Variants in UTRN observed in about 807,000 individuals in gnomAD.
UTRN encodes utrophin, also known as dystrophin-related protein 1.
UTRN carries 283 observed loss-of-function variants against 463.9 expected under a neutral mutation model. The ratio of observed to expected loss-of-function variants is 0.61; its 90% CI spans 0.55 to 0.67. The LOEUF is 0.67. Ranked by LOEUF, UTRN falls within the 30% of genes least tolerant of loss-of-function variation. The probability of loss-of-function intolerance (pLI) is 0.00; values close to 1 mark genes in which losing one functional copy is unlikely to be tolerated. For synonymous variants in UTRN, 1,442 were observed against 1,431.5 expected, an observed-to-expected ratio of 1.01 and a Z score of -0.17; for missense variants, 3,922 against 4,084.3, an observed-to-expected ratio of 0.96 and a Z score of 1.08.
intron 2 of UTRN, among the ~76,000 whole-genome samples, chr6:144,393,081 A>G (rs1368909065): frequency 6.6e-6 from 1 of 152,034 alleles, no homozygotes; most frequent in East Asian, 1.9e-4. Context: ...TTATCTTAGA[A>G]AGAGAATTCT....
intron 51 of UTRN, among the ~76,000 whole-genome samples, chr6:144,609,973 A>G (rs914666335): frequency 2.0e-5 from 3 of 152,140 alleles, no homozygotes; most frequent in Non-Finnish European, 2.9e-5. Context: ...CTATATCAAG[A>G]AAGAAGAAAT....
chr6:144,625,886 A>G, intron 51 of UTRN, among the ~76,000 whole-genome samples: 1 of 152,228 alleles, frequency 6.6e-6, no homozygotes, highest in Non-Finnish European at 1.5e-5. Context: ...TTGAAAACAT[A>G]AACAAAACTG....
intron 54 of UTRN, among the ~76,000 whole-genome samples, chr6:144,734,340 A>T (rs920723796): frequency 6.6e-6 from 1 of 152,216 alleles, no homozygotes; most frequent in African/African-American, 2.4e-5. Flanking sequence ...GATGGGAGAA[A>T]CTGATATTAT....
chr6:144,669,609 T>C (rs1780783481), intron 51 of UTRN, among the ~76,000 whole-genome samples: 1 of 152,138 alleles, frequency 6.6e-6, no homozygotes, highest in Non-Finnish European at 1.5e-5. Context: ...GCAGTAGTTT[T>C]GGGGGGAACA....
intron 58 of UTRN, among the ~76,000 whole-genome samples, chr6:144,766,938 A>G (rs1180567334): frequency 6.6e-6 from 1 of 152,116 alleles, no homozygotes; most frequent in Non-Finnish European, 1.5e-5. Flanking sequence ...AAGGGGGACA[A>G]TTTCTCAGTT....
chr6:144,442,000 G>A (rs1404677818), intron 13 of UTRN, among the ~76,000 whole-genome samples: 1 of 152,142 alleles, frequency 6.6e-6, no homozygotes, highest in Non-Finnish European at 1.5e-5. Flanking sequence ...CCTGAGCCCA[G>A]CCCACAAAAC....
chr6:144,739,742 C>T (rs1466045313), intron 54 of UTRN, among the ~76,000 whole-genome samples: 1 of 152,150 alleles, frequency 6.6e-6, no homozygotes, highest in Non-Finnish European at 1.5e-5. Flanking sequence ...TTTCCTATGA[C>T]TGTATAGCTC....
At chr6:144,825,681 A>G (rs1428747471) in intron 66 of UTRN, among the ~76,000 whole-genome samples, 2 of 152,172 alleles carry the variant, frequency 1.3e-5, no homozygotes, top group East Asian at 1.9e-4. Context: ...CTTTTCTTCT[A>G]TTTGAAGTTC....
chr6:144,644,959 T>C (rs1778143343), intron 51 of UTRN, among the ~76,000 whole-genome samples: 1 of 152,198 alleles, frequency 6.6e-6, no homozygotes, highest in Non-Finnish European at 1.5e-5. Context: ...TGTGGATTCC[T>C]GTAACAAGCT....
intron 2 of UTRN, among the ~76,000 whole-genome samples, chr6:144,350,379 T>A (rs932504906): frequency 6.6e-6 from 1 of 152,236 alleles, no homozygotes; most frequent in Admixed American, 6.5e-5. Flanking sequence ...TTTCTATGAA[T>A]GTAAAAATGT....
At position 144,472,631 on chromosome 6, in the gene UTRN, A is replaced by G. The variant is rs373285494; in HGVS notation, c.3067-1089A>G. ...GAGCAATACCTAAATATCATGTCCT[A>G]CAGACATCATGGAAGGAATTGGGAA... On this transcript the variant is annotated intron_variant, in intron 23 of 74. Transcript: ENST00000367545. Among the ~76,000 whole-genome samples the G allele has an allele frequency of 1.2e-4, 18 of 152,322 alleles. No homozygotes were observed. In the South Asian group the frequency reaches 3.5e-3, roughly 30 times the overall value.
chr6:144,412,121 A>G (rs917154706), intron 3 of UTRN, among the ~76,000 whole-genome samples: 5 of 152,216 alleles, frequency 3.3e-5, no homozygotes, highest in Non-Finnish European at 5.9e-5. Flanking sequence ...TGATTCAACT[A>G]CACATTTTAT....
At chr6:144,424,581 A>G (rs925042967) in intron 6 of UTRN, among the ~76,000 whole-genome samples, 4 of 152,118 alleles carry the variant, frequency 2.6e-5, no homozygotes, top group Non-Finnish European at 5.9e-5. Flanking sequence ...ACTCATAACA[A>G]TTTTCAATGG....
intron 50 of UTRN, among the ~76,000 whole-genome samples, chr6:144,573,469 C>A (rs7767347): frequency 0.015 from 2,217 of 151,696 alleles, 63 homozygotes; most frequent in African/African-American, 0.051. Context: ...CGAGGCGGGC[C>A]GATCACCTGA....
chr6:144,606,663 G>C (rs1293462249), intron 51 of UTRN, among the ~76,000 whole-genome samples: 1 of 152,126 alleles, frequency 6.6e-6, no homozygotes, highest in Non-Finnish European at 1.5e-5. Context: ...CAACACTCTC[G>C]AATTGGATTC....
At chr6:144,367,045 G>A (rs375941213) in intron 2 of UTRN, among the ~76,000 whole-genome samples, 7 of 151,890 alleles carry the variant, frequency 4.6e-5, no homozygotes, top group Non-Finnish European at 1.0e-4. Context: ...GTGCAGTAGC[G>A]CAATCTTGGC....
At chr6:144,643,966 T>A (rs924587872) in intron 51 of UTRN, among the ~76,000 whole-genome samples, 1 of 152,196 alleles carries the variant, frequency 6.6e-6, no homozygotes, top group East Asian at 1.9e-4. Context: ...TTAATTATTT[T>A]CATCATCTTC....
At position 144,603,087 on chromosome 6, in the gene UTRN, A is replaced by T. The variant is rs535847120; in HGVS notation, c.7479+25799A>T. Among the ~76,000 whole-genome samples, 17 of 151,982 alleles carry T rather than the reference A, an allele frequency of 1.1e-4. No homozygotes were observed. In the South Asian group the frequency reaches 1.2e-3, roughly 11 times the overall value. ...TATAGAATTCCTTTTGTTTTTATGA[A>T]TTTTTTTTGTTTGATTCTCCCTAAT... On this transcript the variant is annotated intron_variant, in intron 51 of 74. Transcript: ENST00000367545.
At chr6:144,465,148 C>T (rs1273960233) in intron 23 of UTRN, among the ~76,000 whole-genome samples, 1 of 152,194 alleles carries the variant, frequency 6.6e-6, no homozygotes, top group African/African-American at 2.4e-5. Flanking sequence ...GAAACATTCC[C>T]CATCTTTTCA....
Sources: allele counts gnomAD v4.1 joint callset (sites outside exome capture counted in the v4.1 genomes callset), GRCh38; gene constraint gnomAD v4.1.1; transcripts MANE v1.5; gene names NCBI Gene and HGNC (gene_info 2026-07-23, HGNC 2026-07-21).